PATL2: variants seen among roughly 807,000 people sequenced by gnomAD.
PATL2 encodes the protein protein PAT1 homolog 2.
PATL2 carries 73 observed loss-of-function variants against 77.0 expected under a neutral mutation model. That is an observed-to-expected ratio of 0.95 (90% CI 0.78 to 1.15). The LOEUF is 1.15. PATL2 is among the 50% of genes most tolerant of loss of function. The pLI, the probability that PATL2 is intolerant of heterozygous loss-of-function variation, is 0.00. For missense variants in PATL2, 618 were observed against 655.4 expected (o/e 0.94, Z 0.62); for synonymous variants, 265 against 257.1 (o/e 1.03, Z -0.29).
At chr15:44,667,563 C>G (rs2085443909) in intron 15 of PATL2, among the ~76,000 whole-genome samples, 1 of 152,172 alleles carries the variant, frequency 6.6e-6, no homozygotes, top group East Asian at 1.9e-4. Context: ...GTATGGCATA[C>G]ATGAGATAAC....
chr15:44,670,211 G>T, intron 9 of PATL2, 124 bp from the exon 10 acceptor site: 1 of 1,343,880 alleles, frequency 7.4e-7, no homozygotes, highest in Non-Finnish European at 1.0e-6. Flanking sequence ...TATAAGTTTT[G>T]TTGTTTGAGA....
At chr15:44,705,811 G>GTTGTTTTTTTTT (rs1555390147) in intron 3 of PATL2, among the ~76,000 whole-genome samples, 3 of 135,394 alleles carry the variant, frequency 2.2e-5, no homozygotes, top group South Asian at 4.4e-4. Context: ...TCAAAACATT[G>GTTGTTTTTTTTT]TTTTTTTTTA....
intron 5 of PATL2, chr15:44,674,456 G>A: frequency 3.9e-6 from 2 of 509,382 alleles, no homozygotes; most frequent in East Asian, 3.2e-5. Flanking sequence ...TTATTCATGA[G>A]ACATATATGT....
At chr15:44,694,349 A>C (rs1287499061) in intron 3 of PATL2, among the ~76,000 whole-genome samples, 1 of 152,202 alleles carries the variant, frequency 6.6e-6, no homozygotes, top group Non-Finnish European at 1.5e-5. Flanking sequence ...GTCTTTTAGC[A>C]AACTCATTTG....
Position 44,665,960 on chromosome 15 carries a change from A to C in PATL2, c.1625T>G (p.Ile542Ser). The C allele has an allele frequency of 4.5e-6, 7 of 1,544,124 alleles. No homozygotes were observed. Among genetic ancestry groups the C allele is most frequent in the Non-Finnish European group, 5.2e-6 (6 of 1,145,020 alleles). ...QLEARMEFAW[I>S]Y ...TATTCCAGAACAAACAGATCAGTAA[A>C]TCCAGGCAAACCTATAAAGAGAACA... is the stretch of plus-strand genomic sequence containing the variant. Residue 542 changes from isoleucine to serine, a missense_variant, in exon 18 of 18, where the codon ATT becomes AGT. Transcript: ENST00000682850.
intron 3 of PATL2, among the ~76,000 whole-genome samples, chr15:44,700,065 T>C (rs2086595795): frequency 1.3e-5 from 2 of 152,280 alleles, no homozygotes; most frequent in South Asian, 4.1e-4. Flanking sequence ...AGGGTTTACA[T>C]TGAATCTGTA....
chr15:44,696,801 AAGTC>A (rs1340708372), intron 3 of PATL2, among the ~76,000 whole-genome samples: 2 of 152,158 alleles, frequency 1.3e-5, no homozygotes, highest in African/African-American at 4.8e-5. Flanking sequence ...CAAATCTGAA[AAGTC>A]AGTCAGGCTG....
In PATL2 at chr15:44,677,901, A is replaced by G. The variant is rs555686610; in HGVS notation, c.-75-1336T>C. On this transcript the variant is annotated intron_variant, in intron 3 of 17. Coordinates refer to ENST00000682850, the MANE Select transcript of PATL2 (RefSeq NM_001387263.1). The stretch of plus-strand genomic sequence containing the variant: ...GTCACCCAGGCTTGAGTGCAGTGGC[A>G]TGATCTTGGCCCACTGCAGCCTCCA... Among the ~76,000 whole-genome samples the G allele has an allele frequency of 3.9e-5, 6 of 152,300 alleles. No individual in the cohort carries two copies. The East Asian group carries it at 7.7e-4, about 20-fold the overall frequency.
chr15:44,670,148 T>C, intron 9 of PATL2, 61 bp from the exon 10 acceptor site: 2 of 1,531,306 alleles, frequency 1.3e-6, no homozygotes, highest in Non-Finnish European at 1.8e-6. Context: ...CTTTTGAATT[T>C]AGAATTAAGT....
chr15:44,695,782 C>G (rs1230099243), intron 3 of PATL2, among the ~76,000 whole-genome samples: 2 of 152,218 alleles, frequency 1.3e-5, no homozygotes, highest in Non-Finnish European at 2.9e-5. Context: ...TATGATGGAT[C>G]TGTGGACACA....
chr15:44,672,909 G>A (rs536952531), intron 7 of PATL2, among the ~76,000 whole-genome samples: 10 of 152,158 alleles, frequency 6.6e-5, no homozygotes, highest in East Asian at 3.9e-4. Context: ...ACAGGCGCTC[G>A]CCACCACGCC....
chr15:44,708,387 A>T (rs1206826790), intron 3 of PATL2, among the ~76,000 whole-genome samples: 3 of 152,232 alleles, frequency 2.0e-5, no homozygotes, highest in Non-Finnish European at 4.4e-5. Flanking sequence ...GTATACAATA[A>T]GTTCTAAAAT....
Position 44,669,844 on chromosome 15 carries a change from A to C in PATL2, c.809T>G (p.Val270Gly). ...AGGGCTGAAGCATGTCGACACAGCTACCTGGCCCAGGGAACCCTCGATTCG... is the reference window on the plus strand; with the variant it reads ...AGGGCTGAAGCATGTCGACACAGCTCCCTGGCCCAGGGAACCCTCGATTCG... ...VVRIEGSLGQVAVSTCFSPRR... is the reference protein window; with the variant it reads ...VVRIEGSLGQGAVSTCFSPRR... The change falls in exon 11 of 18, where the codon GTA becomes GGA. Residue 270 changes from valine (V) to glycine (G), a missense_variant. By Grantham distance (109) the Val-to-Gly change is moderately radical (BLOSUM62 -3). Transcript: ENST00000682850. 1 of 1,551,608 alleles carries C rather than the reference A, an allele frequency of 6.4e-7. No homozygotes were observed. The highest frequency in any genetic ancestry group is 8.7e-7 in the Non-Finnish European group (1 of 1,146,988).
intron 3 of PATL2, among the ~76,000 whole-genome samples, chr15:44,707,024 T>C (rs1190325445): frequency 6.6e-6 from 1 of 152,122 alleles, no homozygotes; most frequent in East Asian, 1.9e-4. Flanking sequence ...TCTCTTGCCA[T>C]GGCCACTTCC....
chr15:44,709,564 A>G (rs943532105), intron 3 of PATL2, among the ~76,000 whole-genome samples: 2 of 152,140 alleles, frequency 1.3e-5, no homozygotes, highest in Non-Finnish European at 2.9e-5. Flanking sequence ...ATGTTTGTAG[A>G]CTTCCCAAAT....
intron 10 of PATL2, 36 bp from the exon 11 acceptor site, chr15:44,669,910 C>G: frequency 1.9e-6 from 3 of 1,551,064 alleles, no homozygotes; most frequent in Non-Finnish European, 2.6e-6. Context: ...CTTCCCCCTC[C>G]CACACTCTGT....
chr15:44,710,864 A>C lies in PATL2; in HGVS notation c.-195+7T>G, dbSNP rs2086847085. Among the ~76,000 whole-genome samples the C allele has an allele frequency of 6.7e-6, 1 of 150,060 alleles. No individual in the cohort carries two copies. Among genetic ancestry groups the C allele is most frequent in the Non-Finnish European group, 1.5e-5 (1 of 67,510 alleles). ...CCCCGACAAATCAACAGAACAAAGA[A>C]AATTACCTAAACAGCAAGGACATAG... On this transcript the variant is annotated splice_region_variant and intron_variant, in intron 2 of 17. Coordinates refer to ENST00000682850, the MANE Select transcript of PATL2 (RefSeq NM_001387263.1).
chr15:44,668,974 C>T lies in PATL2; in HGVS notation c.1224+6G>A. ...CCATCCTCTTCTCCACTCAATGCCA[C>T]AGTACCTGATCAGCCACATCCCTCC... On this transcript the variant is annotated splice_donor_region_variant and intron_variant, in intron 14 of 17. Transcript: ENST00000682850. 2.0e-6 allele frequency: 3 copies of T among 1,533,506 alleles called. No homozygotes were observed. Among genetic ancestry groups the T allele is most frequent in the Non-Finnish European group, 2.6e-6 (3 of 1,136,342 alleles). The allele number at this position is 1,533,506 out of a possible 1,614,324, so 95.0% of individuals were successfully genotyped here.
chr15:44,698,179 G>A (rs1163159716), intron 3 of PATL2, among the ~76,000 whole-genome samples: 1 of 151,228 alleles, frequency 6.6e-6, no homozygotes, highest in African/African-American at 2.4e-5. Context: ...TTTGATACAG[G>A]TATAATAATC....
Sources: allele counts gnomAD v4.1 joint callset (sites outside exome capture counted in the v4.1 genomes callset), GRCh38; gene constraint gnomAD v4.1.1; transcripts MANE v1.5; gene names NCBI Gene and HGNC (gene_info 2026-07-23, HGNC 2026-07-21).